Variants in ENTREP2 observed in about 807,000 individuals in gnomAD.
The protein encoded by ENTREP2 is endosomal transmembrane epsin interactor 2, also known as protein ENTREP2.
the ENTREP2 span, among the ~76,000 whole-genome samples, chr15:29,189,525 G>A: frequency 6.6e-6 from 1 of 151,864 alleles, no homozygotes. Context: ...CCATTGATAA[G>A]GTTTCTCTGG....
the ENTREP2 span, among the ~76,000 whole-genome samples, chr15:29,605,831 T>C: frequency 5.9e-5 from 9 of 151,900 alleles, no homozygotes; most frequent in Non-Finnish European, 1.3e-4. Flanking sequence ...TGAGACACCA[T>C]ATCAAAAGAA....
At chr15:29,618,927 C>G in the ENTREP2 span, among the ~76,000 whole-genome samples, 1 of 152,226 alleles carries the variant, frequency 6.6e-6, no homozygotes. Context: ...AAGAAAGTTA[C>G]ATGCAGGAGA....
the ENTREP2 span, among the ~76,000 whole-genome samples, chr15:29,223,801 G>A: frequency 2.6e-5 from 4 of 152,180 alleles, no homozygotes; most frequent in African/African-American, 9.7e-5. Flanking sequence ...GCAACAGGAA[G>A]GCCTCATCCT....
the ENTREP2 span, among the ~76,000 whole-genome samples, chr15:29,575,101 G>C: frequency 7.2e-5 from 11 of 152,254 alleles, 1 homozygote; most frequent in East Asian, 1.2e-3. Flanking sequence ...GAGTTCAGGA[G>C]TCTCCAAAGG....
At chr15:29,314,833 C>T in the ENTREP2 span, among the ~76,000 whole-genome samples, 1 of 152,114 alleles carries the variant, frequency 6.6e-6, no homozygotes, top group Non-Finnish European at 1.5e-5. Context: ...GGGTGGATCG[C>T]TTGAGCTCAG....
At chr15:29,127,540 C>G in the ENTREP2 span, among the ~76,000 whole-genome samples, 1 of 152,226 alleles carries the variant, frequency 6.6e-6, no homozygotes, top group Admixed American at 6.5e-5. Flanking sequence ...CACCCTACAG[C>G]TGCAGAAATG....
chr15:29,456,515 C>A, the ENTREP2 span, among the ~76,000 whole-genome samples: 1 of 152,244 alleles, frequency 6.6e-6, no homozygotes, highest in East Asian at 1.9e-4. Context: ...CTAAGTCAGT[C>A]GGCTGCCAAA....
the ENTREP2 span, chr15:29,570,616 C>T: frequency 2.8e-6 from 4 of 1,446,324 alleles, no homozygotes; most frequent in Non-Finnish European, 2.7e-6. Flanking sequence ...TCTGCGTGGC[C>T]CCGAGCGCCA....
chr15:29,395,534 CT>C, the ENTREP2 span, among the ~76,000 whole-genome samples: 94,190 of 140,808 alleles, frequency 0.67, 31,934 homozygotes, highest in Admixed American at 0.76. Context: ...TTTTTTCTTT[CT>C]TTTTTTTTTT....
the ENTREP2 span, among the ~76,000 whole-genome samples, chr15:29,171,359 C>T: frequency 6.6e-6 from 1 of 152,166 alleles, no homozygotes; most frequent in African/African-American, 2.4e-5. Context: ...TCGAGGAATG[C>T]AGGTTCACTC....
the ENTREP2 span, among the ~76,000 whole-genome samples, chr15:29,492,131 AAG>A: frequency 6.6e-6 from 1 of 152,054 alleles, no homozygotes; most frequent in Admixed American, 6.5e-5. Flanking sequence ...CAGGGAGAAA[AAG>A]AATCTCCAGT....
chr15:29,342,877 C>CCCAAACTA, the ENTREP2 span, among the ~76,000 whole-genome samples: 2 of 152,058 alleles, frequency 1.3e-5, no homozygotes, highest in Admixed American at 6.6e-5. Context: ...AAATATTTCT[C>CCCAAACTA]CCAGTTTGGT....
chr15:29,666,876 C>T, the ENTREP2 span, among the ~76,000 whole-genome samples: 25 of 152,348 alleles, frequency 1.6e-4, no homozygotes, highest in African/African-American at 4.6e-4. Flanking sequence ...CACGCTCTCT[C>T]GCTCTGAAAG....
chr15:29,365,429 T>A, the ENTREP2 span, among the ~76,000 whole-genome samples: 4 of 151,936 alleles, frequency 2.6e-5, no homozygotes, highest in Non-Finnish European at 4.4e-5. Flanking sequence ...ATTTTTGTAT[T>A]TTTAGTAGAG....
At chr15:29,350,215 G>T in the ENTREP2 span, among the ~76,000 whole-genome samples, 4 of 151,872 alleles carry the variant, frequency 2.6e-5, no homozygotes, top group African/African-American at 9.7e-5. Flanking sequence ...TTTCTGTTTG[G>T]GTTTTCTATT....
At chr15:29,172,971 G>A in the ENTREP2 span, among the ~76,000 whole-genome samples, 6 of 152,228 alleles carry the variant, frequency 3.9e-5, no homozygotes, top group South Asian at 2.1e-4. Context: ...TAAAATCTCC[G>A]CGCCTTCCCC....
chr15:29,567,811 T>C, the ENTREP2 span, among the ~76,000 whole-genome samples: 5 of 152,314 alleles, frequency 3.3e-5, no homozygotes, highest in Admixed American at 6.5e-5. Context: ...GTTTCTACAA[T>C]GGGTTTTCAC....
chr15:29,598,048 G>C, the ENTREP2 span, among the ~76,000 whole-genome samples: 1 of 152,088 alleles, frequency 6.6e-6, no homozygotes, highest in African/African-American at 2.4e-5. Context: ...TCTTGAGCCT[G>C]GGAGGCAGAG....
At chr15:29,648,943 A>AC in the ENTREP2 span, among the ~76,000 whole-genome samples, 37 of 130,336 alleles carry the variant, frequency 2.8e-4, no homozygotes, top group African/African-American at 1.0e-3. Context: ...TCTAAAAAAA[A>AC]AAAACAACAA....
Sources: gnomAD v4.1 joint callset for allele counts (sites outside exome capture counted in the v4.1 genomes callset) on GRCh38, gnomAD v4.1.1 for gene constraint, MANE v1.5 for transcripts, NCBI Gene and HGNC (gene_info 2026-07-23, HGNC 2026-07-21) for gene names.